The following GPR39 variants were observed in gnomAD, a reference collection of about 807,000 sequenced individuals.
The protein encoded by GPR39 is G protein-coupled receptor 39, also known as zinc sensing receptor.
Under a neutral mutation model 18.4 loss-of-function variants are expected in GPR39, and 23 were observed. The observed-to-expected ratio is 1.25, with a 90% CI of 0.90 to 1.77. The LOEUF (loss-of-function observed/expected upper bound fraction) is 1.77, where lower values mean the gene tolerates loss of function less well. Ranked by LOEUF, GPR39 falls within the 40% of genes most tolerant of loss-of-function variation. The pLI, the probability that GPR39 is intolerant of heterozygous loss-of-function variation, is 0.00. For synonymous variants in GPR39, 280 were observed against 257.9 expected, an observed-to-expected ratio of 1.09 and a Z score of -0.82; for missense variants, 647 against 602.4, an observed-to-expected ratio of 1.07 and a Z score of -0.78.
intron 1 of GPR39, among the ~76,000 whole-genome samples, chr2:132,428,037 G>A (rs1254035633): frequency 6.6e-6 from 1 of 150,758 alleles, no homozygotes; most frequent in Non-Finnish European, 1.5e-5. Flanking sequence ...GTTTACCCTT[G>A]ATAGGGGTGA....
intron 1 of GPR39, among the ~76,000 whole-genome samples, chr2:132,432,133 C>A (rs10188964): frequency 0.21 from 31,489 of 152,004 alleles, 3,369 homozygotes; most frequent in African/African-American, 0.23. Context: ...TATCGAAATA[C>A]CATAAACTGG....
chr2:132,553,713 A>T (rs1038733421), intron 1 of GPR39, among the ~76,000 whole-genome samples: 6 of 152,150 alleles, frequency 3.9e-5, no homozygotes, highest in African/African-American at 1.4e-4. Flanking sequence ...ATGAGGTCCC[A>T]AGAGCTGGAC....
intron 1 of GPR39, among the ~76,000 whole-genome samples, chr2:132,425,688 G>C (rs1573595471): frequency 6.6e-6 from 1 of 152,140 alleles, no homozygotes; most frequent in Non-Finnish European, 1.5e-5. Context: ...CAAGTCACAT[G>C]AGCCTTTAAA....
chr2:132,500,310 C>T (rs1426624668), intron 1 of GPR39, among the ~76,000 whole-genome samples: 1 of 152,084 alleles, frequency 6.6e-6, no homozygotes, highest in Non-Finnish European at 1.5e-5. Flanking sequence ...TGGATTTTGT[C>T]AAATGCTTTT....
At chr2:132,565,411 T>C (rs926717447) in intron 1 of GPR39, among the ~76,000 whole-genome samples, 4 of 150,702 alleles carry the variant, frequency 2.7e-5, no homozygotes, top group African/African-American at 7.3e-5. Flanking sequence ...TTTTTTTTTT[T>C]TATTATACTT....
At position 132,447,828 on chromosome 2, in the gene GPR39, T is replaced by C. The variant is rs116553726; in HGVS notation, c.856+29930T>C. The stretch of plus-strand genomic sequence containing the variant: ...AAGCTATTGACCTTTGGATTCCTTT[T>C]GTCAAATTCTGACTCTCCAAATATC... On this transcript the variant is annotated intron_variant, in intron 1 of 1. Transcript: ENST00000329321. Among the ~76,000 whole-genome samples the C allele has an allele frequency of 3.9e-3, 593 of 152,302 alleles. 4 individuals are homozygous for C. The highest frequency in any genetic ancestry group is 0.013 in the African/African-American group (560 of 41,552).
intron 1 of GPR39, among the ~76,000 whole-genome samples, chr2:132,512,159 C>G (rs993531278): frequency 6.6e-6 from 1 of 152,168 alleles, no homozygotes; most frequent in African/African-American, 2.4e-5. Flanking sequence ...TGCATTTCTT[C>G]ATTCTTGCCT....
intron 1 of GPR39, among the ~76,000 whole-genome samples, chr2:132,446,956 A>C (rs541044043): frequency 6.6e-6 from 1 of 152,322 alleles, no homozygotes; most frequent in East Asian, 1.9e-4. Context: ...AAAGATCCAG[A>C]TGACCCAGCC....
chr2:132,555,968 A>C (rs1680143241), intron 1 of GPR39, among the ~76,000 whole-genome samples: 1 of 152,180 alleles, frequency 6.6e-6, no homozygotes, highest in East Asian at 1.9e-4. Context: ...GCTGGGCCCC[A>C]ACCCTAGAGT....
In GPR39 at chr2:132,646,415, G is replaced by A. The variant is rs1171848792; in HGVS notation, c.*809G>A. The stretch of plus-strand genomic sequence containing the variant: ...AGAGACTAGGTGAGGTCAGGGAAGT[G>A]CTTCGGATTGTCTCATTGATATTCA... On this transcript the variant is annotated 3_prime_UTR_variant, in exon 2 of 2. Transcript: ENST00000329321. The A allele has an allele frequency of 6.5e-6, 3 of 458,832 alleles. No individual in the cohort carries two copies. The highest frequency in any genetic ancestry group is 1.7e-4 in the South Asian group (2 of 11,616). The allele number at this position is 458,832 out of a possible 1,614,324, so 28.4% of individuals were successfully genotyped here.
At chr2:132,492,850 CAT>C (rs1334083258) in intron 1 of GPR39, among the ~76,000 whole-genome samples, 1 of 139,244 alleles carries the variant, frequency 7.2e-6, no homozygotes, top group Non-Finnish European at 1.5e-5. Flanking sequence ...ATATATACAC[CAT>C]ATATATACCA....
At chr2:132,505,666 G>C (rs1679123100) in intron 1 of GPR39, among the ~76,000 whole-genome samples, 1 of 152,114 alleles carries the variant, frequency 6.6e-6, no homozygotes, top group African/African-American at 2.4e-5. Flanking sequence ...GTCTTTCTGT[G>C]CCTGACTTAT....
At chr2:132,459,073 T>C (rs1680786952) in intron 1 of GPR39, among the ~76,000 whole-genome samples, 1 of 152,208 alleles carries the variant, frequency 6.6e-6, no homozygotes, top group African/African-American at 2.4e-5. Flanking sequence ...CACTTTACAG[T>C]GTACCTTTTT....
intron 1 of GPR39, among the ~76,000 whole-genome samples, chr2:132,582,399 CT>C (rs1225962901): frequency 3.3e-5 from 5 of 152,198 alleles, no homozygotes; most frequent in Admixed American, 1.3e-4. Flanking sequence ...TGCAATGTGC[CT>C]TTCAGGCAGG....
At chr2:132,492,106 C>CAT (rs1217920487) in intron 1 of GPR39, among the ~76,000 whole-genome samples, 45 of 147,490 alleles carry the variant, frequency 3.1e-4, no homozygotes, top group African/African-American at 1.1e-3. Flanking sequence ...ATATACATAC[C>CAT]ATATATATAC....
At chr2:132,464,876 T>C (rs556353269) in intron 1 of GPR39, among the ~76,000 whole-genome samples, 1 of 152,308 alleles carries the variant, frequency 6.6e-6, no homozygotes, top group South Asian at 2.1e-4. Context: ...TTTTGTCTTC[T>C]ATGAAGATGG....
At chr2:132,421,132 A>G (rs1455353797) in intron 1 of GPR39, among the ~76,000 whole-genome samples, 2 of 152,178 alleles carry the variant, frequency 1.3e-5, no homozygotes, top group Admixed American at 6.5e-5. Flanking sequence ...TGTCCCTTCA[A>G]TGATGAGGAT....
intron 1 of GPR39, among the ~76,000 whole-genome samples, chr2:132,472,562 T>A (rs998525421): frequency 1.3e-5 from 2 of 152,054 alleles, no homozygotes. Context: ...CAGGCCCAGG[T>A]CCATTCTCCT....
chr2:132,584,503 G>A (rs1399906390), intron 1 of GPR39, among the ~76,000 whole-genome samples: 1 of 152,082 alleles, frequency 6.6e-6, no homozygotes, highest in East Asian at 1.9e-4. Flanking sequence ...GGTACCCAGA[G>A]GGCAGGGAGG....
Sources: gnomAD v4.1 joint callset for allele counts (sites outside exome capture counted in the v4.1 genomes callset) on GRCh38, gnomAD v4.1.1 for gene constraint, MANE v1.5 for transcripts, NCBI Gene and HGNC (gene_info 2026-07-23, HGNC 2026-07-21) for gene names.